The following ARMH4 variants were observed in gnomAD, a reference collection of about 807,000 sequenced individuals.
ARMH4 encodes armadillo like helical domain containing 4.
A neutral mutation model predicts 61.9 loss-of-function variants in ARMH4; 49 were observed. That is an observed-to-expected ratio of 0.79 (90% CI 0.63 to 1.00). The LOEUF is 1.00. Among genes scored for constraint, ARMH4 ranks in the 50% least tolerant of loss-of-function variants. The probability of loss-of-function intolerance (pLI) is 0.00; values close to 1 mark genes in which losing one functional copy is unlikely to be tolerated. For synonymous variants in ARMH4, 368 were observed against 341.5 expected, an observed-to-expected ratio of 1.08 and a Z score of -0.85; for missense variants, 934 against 930.0, an observed-to-expected ratio of 1.00 and a Z score of -0.06.
intron 5 of ARMH4, among the ~76,000 whole-genome samples, chr14:58,093,325 C>T (rs981307581): frequency 3.9e-5 from 6 of 152,154 alleles, no homozygotes; most frequent in African/African-American, 1.4e-4. Context: ...TCCTGAGTAG[C>T]TGGGACTACA....
chr14:58,138,378 G>T lies in ARMH4; in HGVS notation c.981C>A (p.Thr327=), dbSNP rs763551388. The change falls in exon 2 of 8, where the codon ACC becomes ACA. Residue 327 remains threonine, a synonymous_variant. Coordinates refer to ENST00000267485, the MANE Select transcript of ARMH4 (RefSeq NM_001001872.4). ...TKLESVSRIR[T]PKLGDNEETQ... is the part of the protein sequence containing the mutation. ...TCTCTTCATTGTCTCCAAGCTTGGG[G>T]GTCCTTATCCGGCTTACACTCTCTA... 6.2e-7 allele frequency: 1 copy of T among 1,614,128 alleles called. No individual in the cohort carries two copies. The highest frequency in any genetic ancestry group is 1.1e-5 in the South Asian group (1 of 91,076).
Position 58,004,680 on chromosome 14 carries a change from A to C in ARMH4, c.*56T>G. On this transcript the variant is annotated 3_prime_UTR_variant, in exon 8 of 8. Coordinates refer to ENST00000267485, the MANE Select transcript of ARMH4 (RefSeq NM_001001872.4). ...TTGTTCTTTTTTTTTTTCTGCTCCA[A>C]AATAAAAATTAGAATAGTAGCATCG... 7.1e-7 allele frequency: 1 copy of C among 1,411,850 alleles called. No homozygotes were observed. The highest frequency in any genetic ancestry group is 9.8e-7 in the Non-Finnish European group (1 of 1,017,150). 87.5% of individuals were successfully genotyped at this position (1,411,850 alleles called of 1,614,324 possible).
intron 5 of ARMH4, among the ~76,000 whole-genome samples, chr14:58,093,040 A>T (rs927436191): frequency 1.3e-5 from 2 of 152,020 alleles, no homozygotes; most frequent in Non-Finnish European, 2.9e-5. Context: ...TGCTGTTCTC[A>T]TAGTAATGAG....
At chr14:58,089,333 A>G (rs1174976736) in intron 5 of ARMH4, among the ~76,000 whole-genome samples, 1 of 152,212 alleles carries the variant, frequency 6.6e-6, no homozygotes, top group Non-Finnish European at 1.5e-5. Context: ...GTGTTGCACT[A>G]TATTAAGTAG....
intron 5 of ARMH4, among the ~76,000 whole-genome samples, chr14:58,079,278 G>A (rs1474669990): frequency 3.9e-5 from 6 of 152,214 alleles, no homozygotes; most frequent in Non-Finnish European, 8.8e-5. Context: ...TGGAAGCTGG[G>A]AAGTACACAA....
chr14:58,094,252 C>G (rs538259883), intron 5 of ARMH4, among the ~76,000 whole-genome samples: 2 of 148,896 alleles, frequency 1.3e-5, no homozygotes, highest in East Asian at 3.9e-4. Context: ...ATTGTTTGAA[C>G]CCGGGAGGCA....
intron 5 of ARMH4, among the ~76,000 whole-genome samples, chr14:58,048,443 G>A (rs945285820): frequency 1.3e-5 from 2 of 152,168 alleles, no homozygotes; most frequent in Non-Finnish European, 2.9e-5. Context: ...TTAATAGCAG[G>A]CTGCCTAAAA....
chr14:58,067,168 A>T (rs893414122), intron 5 of ARMH4, among the ~76,000 whole-genome samples: 1 of 152,252 alleles, frequency 6.6e-6, no homozygotes, highest in Non-Finnish European at 1.5e-5. Context: ...TCCATCTTCT[A>T]GCCTAAGGCA....
At chr14:58,084,703 T>A (rs1885328615) in intron 5 of ARMH4, among the ~76,000 whole-genome samples, 1 of 152,170 alleles carries the variant, frequency 6.6e-6, no homozygotes, top group Non-Finnish European at 1.5e-5. Flanking sequence ...TAAATCAACA[T>A]CCCCTAAGTT....
chr14:58,066,089 A>G (rs1884691796), intron 5 of ARMH4, among the ~76,000 whole-genome samples: 1 of 152,246 alleles, frequency 6.6e-6, no homozygotes, highest in African/African-American at 2.4e-5. Flanking sequence ...TTTCATCATT[A>G]GAAGCTTTTC....
At chr14:58,066,967 G>C (rs1028892147) in intron 5 of ARMH4, among the ~76,000 whole-genome samples, 10 of 152,148 alleles carry the variant, frequency 6.6e-5, no homozygotes, top group Admixed American at 1.3e-4. Context: ...ATGTAACTTA[G>C]AGTGACCTGA....
chr14:58,091,844 C>G (rs1009452734), intron 5 of ARMH4, among the ~76,000 whole-genome samples: 12 of 152,170 alleles, frequency 7.9e-5, no homozygotes, highest in African/African-American at 2.9e-4. Flanking sequence ...ACACCTCAAT[C>G]AAAACATGGA....
chr14:58,138,922 G>C lies in ARMH4; in HGVS notation c.437C>G (p.Thr146Ser). The C allele has an allele frequency of 6.2e-7, 1 of 1,614,190 alleles. No individual in the cohort carries two copies. The highest frequency in any genetic ancestry group is 8.5e-7 in the Non-Finnish European group (1 of 1,180,032). The change falls in exon 2 of 8, where the codon ACC (threonine) becomes AGC (serine). Residue 146 changes from threonine (T) to serine (S), a missense_variant. Transcript: ENST00000267485. ...PESGLAKAML[T>S]IAITATPSLT... ...AGAAGGAGTCGCAGTGATAGCAATG[G>C]TTAACATGGCCTTGGCAAGTCCACT...
intron 5 of ARMH4, among the ~76,000 whole-genome samples, chr14:58,092,015 T>C (rs1223039650): frequency 1.3e-5 from 2 of 152,240 alleles, no homozygotes; most frequent in African/African-American, 4.8e-5. Context: ...ATTTGAGGCC[T>C]GAATCTACTG....
At chr14:58,071,066 T>G (rs1884868503) in intron 5 of ARMH4, among the ~76,000 whole-genome samples, 1 of 151,744 alleles carries the variant, frequency 6.6e-6, no homozygotes, top group Non-Finnish European at 1.5e-5. Context: ...GGCCATACCT[T>G]TTATAATGTG....
At chr14:58,032,971 G>C (rs1883315068) in intron 5 of ARMH4, among the ~76,000 whole-genome samples, 1 of 146,274 alleles carries the variant, frequency 6.8e-6, no homozygotes, top group Non-Finnish European at 1.5e-5. Context: ...AACGAGGCTG[G>C]GGGAGGGGCG....
chr14:58,130,380 C>T (rs1031669013), intron 4 of ARMH4, among the ~76,000 whole-genome samples: 2 of 151,968 alleles, frequency 1.3e-5, no homozygotes, highest in African/African-American at 4.8e-5. Flanking sequence ...CAGCTGCAAA[C>T]CTAGCTCAAC....
chr14:58,045,265 T>C (rs969076951), intron 5 of ARMH4, among the ~76,000 whole-genome samples: 58 of 152,250 alleles, frequency 3.8e-4, no homozygotes, highest in African/African-American at 1.4e-3. Context: ...ATATACACCA[T>C]GGAATACTAT....
At chr14:58,142,054 G>A (rs1887579692) in intron 1 of ARMH4, among the ~76,000 whole-genome samples, 1 of 151,850 alleles carries the variant, frequency 6.6e-6, no homozygotes, top group Non-Finnish European at 1.5e-5. Context: ...AAATTTAAGG[G>A]TTTCAGTTCT....
Sources: allele counts gnomAD v4.1 joint callset (sites outside exome capture counted in the v4.1 genomes callset), GRCh38; gene constraint gnomAD v4.1.1; transcripts MANE v1.5; gene names NCBI Gene and HGNC (gene_info 2026-07-23, HGNC 2026-07-21).